The following MYPN variants were observed in gnomAD, a reference collection of about 807,000 sequenced individuals.
MYPN encodes the protein myopalladin.
MYPN carries 63 observed loss-of-function variants against 129.4 expected under a neutral mutation model. That is an observed-to-expected ratio of 0.49 (90% CI 0.40 to 0.60). The LOEUF is 0.60. Among genes scored for constraint, MYPN ranks in the 20% least tolerant of loss-of-function variants. MYPN has a pLI of 0.00. For missense variants in MYPN, 1,596 were observed against 1,635.4 expected (o/e 0.98, Z 0.42); for synonymous variants, 629 against 600.9 (o/e 1.05, Z -0.68).
In MYPN at chr10:68,188,965, C is replaced by A; in HGVS notation, c.2764C>A (p.Arg922Ser). The A allele has an allele frequency of 6.2e-7, 1 of 1,614,148 alleles. No individual in the cohort carries two copies. The highest frequency in any genetic ancestry group is 8.5e-7 in the Non-Finnish European group (1 of 1,180,034). ...LMNEIEFRLE[R>S]TPVDESDDEI... ...GAATGAAATAGAGTTTCGCTTGGAACGTACTCCTGTTGATGAATCAGATGA... is the reference window on the plus strand; with the variant it reads ...GAATGAAATAGAGTTTCGCTTGGAAAGTACTCCTGTTGATGAATCAGATGA... The change falls in exon 13 of 20, where the codon CGT becomes AGT. Residue 922 changes from arginine to serine, a missense_variant. Transcript: ENST00000358913.
chr10:68,110,514 A>G (rs2042067468), intron 1 of MYPN, among the ~76,000 whole-genome samples: 1 of 152,214 alleles, frequency 6.6e-6, no homozygotes, highest in Admixed American at 6.5e-5. Context: ...AGATTTTTAT[A>G]TGCTTATTAA....
At chr10:68,145,849 T>C (rs2042657436) in intron 4 of MYPN, among the ~76,000 whole-genome samples, 1 of 152,202 alleles carries the variant, frequency 6.6e-6, no homozygotes, top group African/African-American at 2.4e-5. Context: ...GATACGAACA[T>C]TCATAACCAG....
At chr10:68,139,353 T>C (rs1308376600) in intron 2 of MYPN, among the ~76,000 whole-genome samples, 1 of 152,186 alleles carries the variant, frequency 6.6e-6, no homozygotes, top group African/African-American at 2.4e-5. Context: ...GGCACTTGGT[T>C]TCCACATTTC....
chr10:68,181,704 C>T (rs1252285806), intron 12 of MYPN, among the ~76,000 whole-genome samples: 1 of 151,168 alleles, frequency 6.6e-6, no homozygotes, highest in Non-Finnish European at 1.5e-5. Flanking sequence ...ACAGCACACC[C>T]TCTGCCCTGA....
intron 1 of MYPN, among the ~76,000 whole-genome samples, chr10:68,097,191 A>G (rs1038300099): frequency 2.6e-5 from 4 of 152,208 alleles, no homozygotes; most frequent in Admixed American, 2.0e-4. Context: ...CTTGATTACT[A>G]TTGGTGCTCT....
At chr10:68,095,965 A>C (rs1236340107) in intron 1 of MYPN, among the ~76,000 whole-genome samples, 4 of 152,204 alleles carry the variant, frequency 2.6e-5, no homozygotes, top group Non-Finnish European at 5.9e-5. Flanking sequence ...AAAAATTGTT[A>C]TCTGGAGATC....
chr10:68,211,015 C>T lies in MYPN; in HGVS notation c.*560C>T, dbSNP rs1467082106. The T allele has an allele frequency of 8.8e-6, 4 of 453,968 alleles. No homozygotes were observed. Among genetic ancestry groups the T allele is most frequent in the African/African-American group, 8.0e-5 (4 of 49,998 alleles). The allele number at this position is 453,968 out of a possible 1,614,324, so 28.1% of individuals were successfully genotyped here. A position where few individuals can be genotyped will look rare whatever the true frequency, so the allele number is the denominator to read the frequency against. ...TATGCGGGCAAACACTTTTGATTTG[C>T]ATATCCTGGGTGTACTGAGCCACAT... On this transcript the variant is annotated 3_prime_UTR_variant, in exon 20 of 20. Transcript: ENST00000358913.
intron 12 of MYPN, among the ~76,000 whole-genome samples, chr10:68,181,884 G>T (rs777768408): frequency 6.6e-6 from 1 of 151,982 alleles, no homozygotes; most frequent in Non-Finnish European, 1.5e-5. Flanking sequence ...CCCTCTCCAA[G>T]AGGGTCCATT....
At chr10:68,132,975 C>T (rs1313371289) in intron 2 of MYPN, among the ~76,000 whole-genome samples, 1 of 151,420 alleles carries the variant, frequency 6.6e-6, no homozygotes, top group East Asian at 1.9e-4. Flanking sequence ...TCCAACACCC[C>T]AAAACCTAAC....
At chr10:68,164,134 C>G (rs1251965149) in intron 8 of MYPN, among the ~76,000 whole-genome samples, 3 of 152,132 alleles carry the variant, frequency 2.0e-5, no homozygotes, top group African/African-American at 2.4e-5. Context: ...GACCGAATAC[C>G]TGAAACTGGG....
At position 68,177,424 on chromosome 10, in the gene MYPN, A is replaced by T. The variant is rs547734705; in HGVS notation, c.2703+1963A>T. Among the ~76,000 whole-genome samples the T allele has an allele frequency of 7.2e-5, 11 of 152,328 alleles. No homozygotes were observed. The South Asian group carries it at 2.1e-3, about 29-fold the overall frequency. On this transcript the variant is annotated intron_variant, in intron 12 of 19. Coordinates refer to ENST00000358913, the MANE Select transcript of MYPN (RefSeq NM_032578.4). Reference sequence around the variant, plus strand: ...TACATTCCATGCCATGGATAATGAAATCCAAGCTGCATAAATGAAATTTGG... The same window carrying T: ...TACATTCCATGCCATGGATAATGAATTCCAAGCTGCATAAATGAAATTTGG...
At chr10:68,199,095 A>G (rs532958189) in intron 16 of MYPN, among the ~76,000 whole-genome samples, 3 of 151,838 alleles carry the variant, frequency 2.0e-5, no homozygotes, top group East Asian at 1.9e-4. Flanking sequence ...ATATCTATCT[A>G]TTTCACTTTT....
chr10:68,103,964 C>A (rs555213686), upstream of MYPN, among the ~76,000 whole-genome samples: 1 of 152,212 alleles, frequency 6.6e-6, no homozygotes, highest in Non-Finnish European at 1.5e-5. Context: ...CAACAACAAG[C>A]CTCTAAAAGG....
intron 5 of MYPN, 23 bp downstream of exon 5, chr10:68,148,490 C>G (rs1319198745): frequency 6.3e-7 from 1 of 1,574,890 alleles, no homozygotes. Context: ...AAGCGAAACA[C>G]AAGTGCCATC....
At chr10:68,107,200 T>C (rs1263223718), upstream of MYPN, among the ~76,000 whole-genome samples, 1 of 152,178 alleles carries the variant, frequency 6.6e-6, no homozygotes, top group Non-Finnish European at 1.5e-5. Flanking sequence ...AATTACTAAA[T>C]ATTATTTATT....
intron 1 of MYPN, among the ~76,000 whole-genome samples, chr10:68,113,837 A>T (rs1356456328): frequency 6.6e-6 from 1 of 152,216 alleles, no homozygotes; most frequent in African/African-American, 2.4e-5. Flanking sequence ...TTTTGCAACG[A>T]TTAAATCAAG....
intron 10 of MYPN, among the ~76,000 whole-genome samples, chr10:68,173,392 G>A (rs2043171678): frequency 6.6e-6 from 1 of 152,110 alleles, no homozygotes; most frequent in African/African-American, 2.4e-5. Flanking sequence ...GCCTACAAGA[G>A]AAACATTGTC....
At position 68,201,491 on chromosome 10, in the gene MYPN, G is replaced by A. The variant is rs2134308752; in HGVS notation, c.3494-338G>A. ...AATAAGAATGACCCTTCTCCACCAGGCACAGTGGCTTATGCCTGTAACCCC... is the reference window on the plus strand; with the variant it reads ...AATAAGAATGACCCTTCTCCACCAGACACAGTGGCTTATGCCTGTAACCCC... On this transcript the variant is annotated intron_variant, in intron 17 of 19. Transcript: ENST00000358913. Among the ~76,000 whole-genome samples the A allele has an allele frequency of 2.6e-5, 4 of 152,152 alleles. No individual in the cohort carries two copies. In the South Asian group the frequency reaches 8.3e-4, roughly 32 times the overall value.
At chr10:68,207,023 C>G in intron 19 of MYPN, 120 bp downstream of exon 19, 1 of 1,272,622 alleles carries the variant, frequency 7.9e-7, no homozygotes, top group Non-Finnish European at 1.1e-6. Flanking sequence ...TTTGGGAGGC[C>G]GAGGCAGGCA....
Sources: gnomAD v4.1 joint callset for allele counts (sites outside exome capture counted in the v4.1 genomes callset) on GRCh38, gnomAD v4.1.1 for gene constraint, MANE v1.5 for transcripts, NCBI Gene and HGNC (gene_info 2026-07-23, HGNC 2026-07-21) for gene names.